RMDN1: variants seen among roughly 807,000 people sequenced by gnomAD.
RMDN1 encodes the protein regulator of microtubule dynamics protein 1.
Under a neutral mutation model 48.9 loss-of-function variants are expected in RMDN1, and 48 were observed. That is an observed-to-expected ratio of 0.98 (90% CI 0.78 to 1.25). RMDN1 has a LOEUF of 1.25. RMDN1 is among the 50% of genes most tolerant of loss of function. The pLI is 0.00. For missense variants in RMDN1, 418 were observed against 373.4 expected, an observed-to-expected ratio of 1.12 and a Z score of -0.98; for synonymous variants, 148 against 132.6, an observed-to-expected ratio of 1.12 and a Z score of -0.80.
At chr8:86,503,645 G>C (rs1586772865) in intron 2 of RMDN1, 2 of 496,584 alleles carry the variant, frequency 4.0e-6, no homozygotes, top group African/African-American at 3.9e-5. Context: ...CTCTTTCCAA[G>C]TTGGCTACAA....
intron 9 of RMDN1, 26 bp from the exon 10 acceptor site, chr8:86,474,384 A>C: frequency 6.5e-7 from 1 of 1,541,268 alleles, no homozygotes; most frequent in Non-Finnish European, 9.0e-7. Context: ...ACATGTTATA[A>C]GTAAACAGGA....
intron 2 of RMDN1, among the ~76,000 whole-genome samples, chr8:86,489,311 T>C (rs189072054): frequency 2.0e-3 from 308 of 152,320 alleles, no homozygotes; most frequent in Non-Finnish European, 3.3e-3. Flanking sequence ...AACTAATTTA[T>C]ATATGACTAC....
intron 2 of RMDN1, chr8:86,504,800 C>A: frequency 1.9e-6 from 2 of 1,058,620 alleles, no homozygotes; most frequent in Non-Finnish European, 3.0e-6. Flanking sequence ...CCGGCTGCTC[C>A]AACTATACCT....
chr8:86,508,852 C>T (rs1819874051), upstream of RMDN1: 1 of 1,222,084 alleles, frequency 8.2e-7, no homozygotes, highest in Admixed American at 4.3e-5. Flanking sequence ...GCGCCTGCGT[C>T]CAGGACTGAG....
chr8:86,508,485 G>T lies in RMDN1; in HGVS notation c.129+7C>A. Reference sequence around the variant, plus strand: ...GTGAGGAGCGGGAGCCAGGACCACGGGGGTACCTCGAAGCCGCGGAATCGA... The same window carrying T: ...GTGAGGAGCGGGAGCCAGGACCACGTGGGTACCTCGAAGCCGCGGAATCGA... On this transcript the variant is annotated splice_region_variant and intron_variant, in intron 1 of 9. Coordinates refer to ENST00000406452, the MANE Select transcript of RMDN1 (RefSeq NM_016033.3). The T allele has an allele frequency of 6.5e-7, 1 of 1,544,558 alleles. No homozygotes were observed.
chr8:86,477,401 A>G, intron 7 of RMDN1, 77 bp from the exon 8 acceptor site: 1 of 1,101,104 alleles, frequency 9.1e-7, no homozygotes, highest in Non-Finnish European at 1.3e-6. Context: ...TGTCTCAAAG[A>G]TCTACTGCTA....
chr8:86,485,380 A>T, intron 4 of RMDN1, among the ~76,000 whole-genome samples: 1 of 152,178 alleles, frequency 6.6e-6, no homozygotes, highest in Non-Finnish European at 1.5e-5. Context: ...AGCCAAGATC[A>T]CACCACTGTA....
chr8:86,504,791 C>A, intron 2 of RMDN1: 1 of 1,060,078 alleles, frequency 9.4e-7, no homozygotes, highest in Non-Finnish European at 1.5e-6. Context: ...CTGCAATGGC[C>A]GGCTGCTCCA....
At chr8:86,503,659 G>A (rs3883910) in intron 2 of RMDN1, 2 of 492,424 alleles carry the variant, frequency 4.1e-6, no homozygotes, top group East Asian at 1.1e-4. Flanking sequence ...GCTACAACAC[G>A]GGAGTCATCA....
chr8:86,503,385 A>AAC (rs1818685673), intron 2 of RMDN1, among the ~76,000 whole-genome samples: 17 of 81,056 alleles, frequency 2.1e-4, no homozygotes, highest in African/African-American at 5.5e-4. Context: ...AAAAAAAAAA[A>AAC]AAAACAAAAA....
intron 5 of RMDN1, chr8:86,481,748 A>AT (rs1038259862): frequency 1.5e-5 from 13 of 848,318 alleles, no homozygotes; most frequent in African/African-American, 1.2e-4. Flanking sequence ...GGTAATTCCT[A>AT]TTTTTTTAGC....
chr8:86,514,274 C>T, exon 1 of RMDN1: 1 of 985,404 alleles, frequency 1.0e-6, no homozygotes, highest in Non-Finnish European at 1.2e-6. Context: ...CAGTAAGCGA[C>T]TGGCCTCCAG....
rs183618496 is a variant in RMDN1, at chr8:86,479,881, T to C, written c.641+396A>G. Among the ~76,000 whole-genome samples, 278 of 152,138 alleles carry C rather than the reference T, an allele frequency of 1.8e-3. 1 individual carries two copies. The highest frequency in any genetic ancestry group is 3.2e-3 in the Non-Finnish European group (216 of 67,916). On this transcript the variant is annotated intron_variant, in intron 6 of 9. Transcript: ENST00000406452. ...CAGTGGACATAAGATCACATAAAAA[T>C]AGAAAGATACTGAAAATCAGATTAT...
chr8:86,491,939 T>A (rs1816571483), intron 2 of RMDN1, among the ~76,000 whole-genome samples: 1 of 152,192 alleles, frequency 6.6e-6, no homozygotes, highest in Non-Finnish European at 1.5e-5. Flanking sequence ...AAAATCTGAA[T>A]ATCTAGATTC....
intron 5 of RMDN1, chr8:86,482,408 A>G: frequency 2.4e-6 from 1 of 417,908 alleles, no homozygotes; most frequent in Non-Finnish European, 4.5e-6. Context: ...CTCAAACAAA[A>G]AAAAGAAAGG....
intron 2 of RMDN1, among the ~76,000 whole-genome samples, chr8:86,498,013 T>C (rs1817649296): frequency 3.3e-5 from 5 of 152,088 alleles, no homozygotes; most frequent in Admixed American, 3.3e-4. Context: ...TGAGAGTCGC[T>C]TGAACCCGGG....
At chr8:86,479,721 C>T (rs1814012305) in intron 6 of RMDN1, among the ~76,000 whole-genome samples, 1 of 152,166 alleles carries the variant, frequency 6.6e-6, no homozygotes, top group Non-Finnish European at 1.5e-5. Flanking sequence ...CACTGGTACC[C>T]TTCTTAGATG....
intron 2 of RMDN1, among the ~76,000 whole-genome samples, chr8:86,496,629 G>A (rs777382808): frequency 7.2e-5 from 11 of 152,106 alleles, no homozygotes; most frequent in East Asian, 1.9e-4. Flanking sequence ...ATTGGAGCAC[G>A]CGGATTAATA....
At chr8:86,480,382 A>G in intron 5 of RMDN1, 50 bp from the exon 6 acceptor site, 1 of 1,074,154 alleles carries the variant, frequency 9.3e-7, no homozygotes, top group Non-Finnish European at 1.3e-6. Context: ...AAACACCAAT[A>G]AGTGCTTTAC....
Sources: gnomAD v4.1 joint callset for allele counts (sites outside exome capture counted in the v4.1 genomes callset) on GRCh38, gnomAD v4.1.1 for gene constraint, MANE v1.5 for transcripts, NCBI Gene and HGNC (gene_info 2026-07-23, HGNC 2026-07-21) for gene names.